The following DDX56 variants were observed in gnomAD, a reference collection of about 807,000 sequenced individuals.
The protein encoded by DDX56 is probable ATP-dependent RNA helicase DDX56.
A neutral mutation model predicts 61.5 loss-of-function variants in DDX56; 45 were observed. The ratio of observed to expected loss-of-function variants is 0.73; its 90% CI spans 0.58 to 0.94. The LOEUF (loss-of-function observed/expected upper bound fraction) is 0.94, where lower values mean the gene tolerates loss of function less well. Among genes scored for constraint, DDX56 ranks in the 40% least tolerant of loss-of-function variants. The pLI, the probability that DDX56 is intolerant of heterozygous loss-of-function variation, is 0.00. For missense variants in DDX56, 708 were observed against 690.7 expected (o/e 1.02, Z -0.28); for synonymous variants, 273 against 268.3 (o/e 1.02, Z -0.17).
At chr7:44,568,080 C>G in intron 12 of DDX56, 38 bp downstream of exon 12, 1 of 1,531,300 alleles carries the variant, frequency 6.5e-7, no homozygotes, top group East Asian at 2.3e-5. Context: ...TGCCACTTCC[C>G]CAGCCTGCTG....
intron 2 of DDX56, among the ~76,000 whole-genome samples, 175 bp from the exon 3 acceptor site, chr7:44,573,225 T>C (rs1430426719): frequency 6.6e-6 from 1 of 152,208 alleles, no homozygotes; most frequent in Non-Finnish European, 1.5e-5. Flanking sequence ...CCCCAGGCAC[T>C]GACCCTCAAA....
chr7:44,568,048 G>T, intron 12 of DDX56, 70 bp downstream of exon 12: 2 of 1,260,534 alleles, frequency 1.6e-6, no homozygotes, highest in South Asian at 1.2e-5. Context: ...CACAGGGGCT[G>T]ACCCAGCAGT....
At chr7:44,567,178 G>A (rs1382444844) in intron 12 of DDX56, among the ~76,000 whole-genome samples, 2 of 134,334 alleles carry the variant, frequency 1.5e-5, no homozygotes, top group Admixed American at 7.7e-5. Context: ...ATGGGAACCC[G>A]GCCCCCACCG....
chr7:44,571,466 C>T, intron 6 of DDX56, 26 bp downstream of exon 6: 1 of 1,611,622 alleles, frequency 6.2e-7, no homozygotes, highest in Non-Finnish European at 8.5e-7. Flanking sequence ...CAACTTATTT[C>T]AACCAAGATG....
rs114253627 is a variant in DDX56 at position 44,572,536 on chromosome 7, G to C, written c.554+38C>G. The C allele has an allele frequency of 8.6e-4, 1,382 of 1,613,336 alleles. 11 individuals are homozygous for C. In the African/African-American group the frequency reaches 0.016, roughly 19 times the overall value. ...GCTCTCGTCCCAACTCCTACTCACA[G>C]ATGTTTCCACTAGGAATCACACCCA... is the stretch of plus-strand genomic sequence containing the variant. On this transcript the variant is annotated intron_variant, in intron 4 of 13. Coordinates refer to ENST00000258772, the MANE Select transcript of DDX56 (RefSeq NM_019082.4).
At chr7:44,568,815 C>G in intron 11 of DDX56, 88 bp downstream of exon 11, 1 of 1,132,618 alleles carries the variant, frequency 8.8e-7, no homozygotes, top group Non-Finnish European at 1.3e-6. Context: ...CTGCCCAGTT[C>G]TCTGCTTCTC....
chr7:44,573,803 C>A (rs566759742), intron 1 of DDX56, 33 bp downstream of exon 1: 3 of 1,613,396 alleles, frequency 1.9e-6, no homozygotes, highest in South Asian at 2.2e-5. Flanking sequence ...CCCCGCAGAG[C>A]CCGTAAGCCG....
At position 44,573,657 on chromosome 7, in the gene DDX56, G is replaced by C. The variant is rs780770124; in HGVS notation, c.148C>G (p.Arg50Gly). 1 of 1,613,782 alleles carries C rather than the reference G, an allele frequency of 6.2e-7. No individual in the cohort carries two copies. Among genetic ancestry groups the C allele is most frequent in the Non-Finnish European group, 8.5e-7 (1 of 1,180,032 alleles). The change falls in exon 2 of 14, where the codon CGG becomes GGG. Residue 50 changes from arginine (R) to glycine (G), a missense_variant. Transcript: ENST00000258772. ...GTCTTCCCGGAGCCCGTGCGGGCCC[G>C]AGCCAGGAGGTCCTTCCCTTCTAGG... ...LALEGKDLLA[R>G]ARTGSGKTAA...
At chr7:44,569,744 G>A in intron 9 of DDX56, 65 bp downstream of exon 9, 5 of 1,360,290 alleles carry the variant, frequency 3.7e-6, no homozygotes, top group Non-Finnish European at 5.1e-6. Flanking sequence ...TCATTATCAT[G>A]GAGTTTTAAA....
intron 3 of DDX56, 40 bp from the exon 4 acceptor site, chr7:44,572,784 C>G (rs762478152): frequency 6.2e-7 from 1 of 1,610,420 alleles, no homozygotes; most frequent in Non-Finnish European, 8.5e-7. Flanking sequence ...CAGAATGTAG[C>G]AGCTGGGATC....
chr7:44,568,759 T>C (rs923642460), intron 11 of DDX56, 144 bp downstream of exon 11: 2 of 654,988 alleles, frequency 3.1e-6, no homozygotes, highest in Non-Finnish European at 2.7e-6. Context: ...CTTCCTTCCA[T>C]GATTCTGGGT....
At position 44,571,606 on chromosome 7, in the gene DDX56, C is replaced by A; in HGVS notation, c.776G>T (p.Gly259Val). Residue 259 changes from glycine to valine, a missense_variant, in exon 6 of 14, where the codon GGC becomes GTC. By Grantham distance (109) the Gly-to-Val change is moderately radical. Coordinates refer to ENST00000258772, the MANE Select transcript of DDX56 (RefSeq NM_019082.4). ...YALLKLSLIR[G>V]KSLLFVNTLE... ...AGTGTTGACAAAGAGCAGAGACTTG[C>A]CCCGAATCAATGACAGCTTGAGCAG... is the stretch of plus-strand genomic sequence containing the variant. 1 of 1,614,096 alleles carries A rather than the reference C, an allele frequency of 6.2e-7. No homozygotes were observed. Among genetic ancestry groups the A allele is most frequent in the Non-Finnish European group, 8.5e-7 (1 of 1,180,036 alleles).
Position 44,573,681 on chromosome 7 carries a change from G to C in DDX56, c.124C>G (p.Leu42Val), listed in dbSNP as rs138133855. 6.2e-7 allele frequency: 1 copy of C among 1,613,794 alleles called. No individual in the cohort carries two copies. The highest frequency in any genetic ancestry group is 8.5e-7 in the Non-Finnish European group (1 of 1,180,038). Residue 42 changes from leucine (L) to valine (V), a missense_variant, in exon 2 of 14, where the codon CTA (leucine) becomes GTA (valine). Transcript: ENST00000258772. ...CGAGCCAGGAGGTCCTTCCCTTCTA[G>C]GGCCAGTGGGATGGCCTTCTCCTGG... ...LIQEKAIPLALEGKDLLARAR... is the reference protein window; with the variant it reads ...LIQEKAIPLAVEGKDLLARAR...
rs1481685915 is a variant in DDX56 at position 44,568,176 on chromosome 7, G to A, written c.1431C>T (p.Asp477=). 6.8e-6 allele frequency: 11 copies of A among 1,614,104 alleles called. No individual in the cohort carries two copies. The highest frequency in any genetic ancestry group is 1.1e-5 in the South Asian group (1 of 91,078). The change falls in exon 12 of 14, where the codon GAC becomes GAT. Residue 477 remains aspartate (D), a synonymous_variant. Transcript: ENST00000258772. ...NPRDLQLLRH[D]LPLHPAVVKP... Reference sequence around the variant, plus strand: ...TCACCACTGCGGGGTGCAAAGGTAGGTCATGCCGCAGCAGCTGGAGGTCCC... The same window carrying A: ...TCACCACTGCGGGGTGCAAAGGTAGATCATGCCGCAGCAGCTGGAGGTCCC...
chr7:44,569,313 G>A (rs1030889076), intron 9 of DDX56, 110 bp from the exon 10 acceptor site: 14 of 990,038 alleles, frequency 1.4e-5, no homozygotes, highest in African/African-American at 4.9e-5. Context: ...GGGACCCACC[G>A]CCTTCCTGGG....
At chr7:44,571,466 CA>C in intron 6 of DDX56, 25 bp downstream of exon 6, 2 of 1,611,622 alleles carry the variant, frequency 1.2e-6, no homozygotes, top group Non-Finnish European at 1.7e-6. Flanking sequence ...CAACTTATTT[CA>C]ACCAAGATGT....
intron 12 of DDX56, among the ~76,000 whole-genome samples, chr7:44,567,009 C>T (rs1345132990): frequency 1.3e-5 from 2 of 152,148 alleles, no homozygotes; most frequent in African/African-American, 4.8e-5. Flanking sequence ...TCTAAACCTC[C>T]TGGCCACACC....
chr7:44,570,081 T>A lies in DDX56; in HGVS notation c.1058A>T (p.His353Leu), dbSNP rs756825151. ...ATCAAAGTTGAGCACAGCAGACACA[T>A]GGTGGAAGTCTATGCCCCGGGCCAC... ...AGVARGIDFHHVSAVLNFDLP... is the reference protein window; with the variant it reads ...AGVARGIDFHLVSAVLNFDLP... The change falls in exon 8 of 14, where the codon CAT (histidine) becomes CTT (leucine). Residue 353 changes from histidine (H) to leucine (L), a missense_variant. Transcript: ENST00000258772. The A allele has an allele frequency of 6.2e-7, 1 of 1,614,114 alleles. No individual in the cohort carries two copies. Among genetic ancestry groups the A allele is most frequent in the African/African-American group, 1.3e-5 (1 of 75,044 alleles).
At chr7:44,570,669 C>G in intron 7 of DDX56, 89 bp downstream of exon 7, 1 of 1,506,942 alleles carries the variant, frequency 6.6e-7, no homozygotes, top group Non-Finnish European at 8.9e-7. Flanking sequence ...GGTTTGGCTC[C>G]CTGCTCTGTG....
Sources: gnomAD v4.1 joint callset for allele counts (sites outside exome capture counted in the v4.1 genomes callset) on GRCh38, gnomAD v4.1.1 for gene constraint, MANE v1.5 for transcripts, NCBI Gene and HGNC (gene_info 2026-07-23, HGNC 2026-07-21) for gene names.